The following FGFR1OP2 variants were observed in gnomAD, a reference collection of about 807,000 sequenced individuals.
FGFR1OP2 encodes FGFR1 oncogene partner 2.
A neutral mutation model predicts 35.2 loss-of-function variants in FGFR1OP2; 17 were observed. The observed-to-expected ratio is 0.48, with a 90% CI of 0.33 to 0.73. FGFR1OP2 has a LOEUF of 0.73. Ranked by LOEUF, FGFR1OP2 falls within the 30% of genes least tolerant of loss-of-function variation. FGFR1OP2 has a pLI of 0.02. For synonymous variants in FGFR1OP2, 105 were observed against 104.6 expected (o/e 1.00, Z -0.03); for missense variants, 251 against 307.3 (o/e 0.82, Z 1.37).
At chr12:26,943,039 T>G (rs1187993734) in intron 1 of FGFR1OP2, among the ~76,000 whole-genome samples, 1 of 152,180 alleles carries the variant, frequency 6.6e-6, no homozygotes, top group African/African-American at 2.4e-5. Flanking sequence ...GTCACAAAGA[T>G]TTTCTCTTAT....
Position 26,963,944 on chromosome 12 carries a change from G to C in FGFR1OP2, c.624+489G>C, listed in dbSNP as rs1422982836. On this transcript the variant is annotated intron_variant, in intron 6 of 6. Coordinates refer to ENST00000229395, the MANE Select transcript of FGFR1OP2 (RefSeq NM_015633.3). ...CTTAAGAGCTTCATTTTGAAATCAC[G>C]GCGGGGAACCTGCTTTAGACTACTA... 2.0e-5 allele frequency among the ~76,000 whole-genome samples: 3 copies of C among 152,024 alleles called. No individual in the cohort carries two copies. The East Asian group carries it at 5.8e-4, about 29-fold the overall frequency.
At chr12:26,962,433 T>A (rs1939117082) in intron 5 of FGFR1OP2, 1 of 152,224 alleles carries the variant, frequency 6.6e-6, no homozygotes, top group Non-Finnish European at 1.5e-5. Context: ...ACTTTTATAT[T>A]TAAGTCTTAG....
rs139161576 is a variant in FGFR1OP2, at chr12:26,960,816, G to A, written c.510+188G>A. The A allele has an allele frequency of 1.7e-3, 1,571 of 911,388 alleles. 15 individuals carry two copies. In the African/African-American group the frequency reaches 0.024, roughly 14 times the overall value. 56.5% of individuals were successfully genotyped at this position (911,388 alleles called of 1,614,324 possible). The stretch of plus-strand genomic sequence containing the variant: ...TTTAAATCTCTCATTAATTTTCTGT[G>A]TATTGTATCATGTACAGCCTGTTAG... On this transcript the variant is annotated intron_variant, in intron 5 of 6. Transcript: ENST00000229395.
At chr12:26,941,582 AT>A (rs1234856279) in intron 1 of FGFR1OP2, among the ~76,000 whole-genome samples, 6 of 152,246 alleles carry the variant, frequency 3.9e-5, no homozygotes, top group African/African-American at 1.2e-4. Flanking sequence ...GTAGTATTTC[AT>A]TATGCAATCT....
intron 5 of FGFR1OP2, chr12:26,962,607 G>A (rs931125176): frequency 6.7e-6 from 1 of 149,738 alleles, no homozygotes; most frequent in African/African-American, 2.4e-5. Context: ...TGTCTTGACA[G>A]TCTTTGTATT....
At chr12:26,952,046 T>C (rs1457478506) in intron 1 of FGFR1OP2, among the ~76,000 whole-genome samples, 1 of 152,008 alleles carries the variant, frequency 6.6e-6, no homozygotes, top group Non-Finnish European at 1.5e-5. Context: ...AACCAATTTT[T>C]TTGGTTATTT....
chr12:26,963,812 C>G lies in FGFR1OP2; in HGVS notation c.624+357C>G, dbSNP rs12314911. On this transcript the variant is annotated intron_variant, in intron 6 of 6. Coordinates refer to ENST00000229395, the MANE Select transcript of FGFR1OP2 (RefSeq NM_015633.3). Reference sequence around the variant, plus strand: ...TAATCCACAAATATTTAGGGGCACTCTTATTTTTCTGGGGATTCTAAAAAC... The same window carrying G: ...TAATCCACAAATATTTAGGGGCACTGTTATTTTTCTGGGGATTCTAAAAAC... 8.9e-3 allele frequency among the ~76,000 whole-genome samples: 1,359 copies of G among 152,110 alleles called. 24 individuals are homozygous for G. Among genetic ancestry groups the G allele is most frequent in the African/African-American group, 0.031 (1,267 of 41,488 alleles).
chr12:26,938,953 A>C (rs1008846854), intron 1 of FGFR1OP2, among the ~76,000 whole-genome samples: 3 of 152,060 alleles, frequency 2.0e-5, no homozygotes, highest in Admixed American at 1.3e-4. Flanking sequence ...CTTGGCTCTA[A>C]CCCTGTGGAC....
chr12:26,959,192 T>C (rs1329853445), intron 4 of FGFR1OP2, among the ~76,000 whole-genome samples: 1 of 152,034 alleles, frequency 6.6e-6, no homozygotes, highest in Admixed American at 6.6e-5. Flanking sequence ...AATTAAAAAT[T>C]TGTGTTTAAT....
At chr12:26,953,090 C>G (rs1037449355) in intron 1 of FGFR1OP2, among the ~76,000 whole-genome samples, 1 of 151,532 alleles carries the variant, frequency 6.6e-6, no homozygotes, top group East Asian at 1.9e-4. Flanking sequence ...GTGAAACCCC[C>G]GACTCTACTA....
At chr12:26,939,631 C>T (rs1159391832) in intron 1 of FGFR1OP2, among the ~76,000 whole-genome samples, 2 of 152,122 alleles carry the variant, frequency 1.3e-5, no homozygotes, top group Non-Finnish European at 2.9e-5. Flanking sequence ...TCTCAGACTC[C>T]CCCAGGTGAC....
In FGFR1OP2 at chr12:26,946,659, C is replaced by A. The variant is rs1164026917; in HGVS notation, c.-14-7486C>A. ...TCTAGCTCTTTTCTTAAATATAACA[C>A]CTTTATTGAGATATGTAATTCACAT... is the stretch of plus-strand genomic sequence containing the variant. On this transcript the variant is annotated intron_variant, in intron 1 of 6. Transcript: ENST00000229395. Among the ~76,000 whole-genome samples the A allele has an allele frequency of 4.6e-5, 7 of 152,152 alleles. No individual in the cohort carries two copies. In the East Asian group the frequency reaches 1.2e-3, roughly 25 times the overall value.
chr12:26,952,497 A>G (rs893035954), intron 1 of FGFR1OP2, among the ~76,000 whole-genome samples: 1 of 152,162 alleles, frequency 6.6e-6, no homozygotes, highest in Admixed American at 6.5e-5. Context: ...GCCAGAAGTT[A>G]TATTAATTTC....
At chr12:26,947,775 T>C (rs904415683) in intron 1 of FGFR1OP2, among the ~76,000 whole-genome samples, 1 of 152,236 alleles carries the variant, frequency 6.6e-6, no homozygotes, top group African/African-American at 2.4e-5. Context: ...TCTGATCATC[T>C]GTCTTAATCT....
chr12:26,939,224 C>G (rs1027941314), intron 1 of FGFR1OP2, among the ~76,000 whole-genome samples: 3 of 152,120 alleles, frequency 2.0e-5, no homozygotes, highest in African/African-American at 7.2e-5. Flanking sequence ...CCACTTAACA[C>G]TGCACTGTAT....
intron 1 of FGFR1OP2, among the ~76,000 whole-genome samples, chr12:26,943,693 C>T (rs1406110280): frequency 6.6e-6 from 1 of 152,050 alleles, no homozygotes. Context: ...GGCGTGGTGG[C>T]GCACGCTTGT....
intron 5 of FGFR1OP2, 140 bp downstream of exon 5, chr12:26,960,768 G>A (rs1027384994): frequency 2.3e-6 from 3 of 1,314,998 alleles, no homozygotes; most frequent in Non-Finnish European, 3.0e-6. Flanking sequence ...GTCTTTAATA[G>A]CCATGCTGTT....
chr12:26,956,669 C>A lies in FGFR1OP2; in HGVS notation c.253+9C>A. 6.6e-7 allele frequency: 1 copy of A among 1,518,536 alleles called. No homozygotes were observed. The highest frequency in any genetic ancestry group is 9.0e-7 in the Non-Finnish European group (1 of 1,111,722). The allele number at this position is 1,518,536 out of a possible 1,614,324, so 94.1% of individuals were successfully genotyped here. Reference sequence around the variant, plus strand: ...GCAACAAGAAAACAAAGGTAAGATACGTTACTTTTTGACATTAATCCCATT... The same window carrying A: ...GCAACAAGAAAACAAAGGTAAGATAAGTTACTTTTTGACATTAATCCCATT... On this transcript the variant is annotated intron_variant, in intron 3 of 6. Coordinates refer to ENST00000229395, the MANE Select transcript of FGFR1OP2 (RefSeq NM_015633.3).
intron 1 of FGFR1OP2, among the ~76,000 whole-genome samples, chr12:26,946,887 T>C (rs1335803382): frequency 6.6e-6 from 1 of 152,214 alleles, no homozygotes; most frequent in Non-Finnish European, 1.5e-5. Context: ...TCAGCCTCTG[T>C]GGATTTGCCT....
Sources: gnomAD v4.1 joint callset for allele counts (sites outside exome capture counted in the v4.1 genomes callset) on GRCh38, gnomAD v4.1.1 for gene constraint, MANE v1.5 for transcripts, NCBI Gene and HGNC (gene_info 2026-07-23, HGNC 2026-07-21) for gene names.